The following SFMBT2 variants were observed in gnomAD, a reference collection of about 807,000 sequenced individuals.
SFMBT2 encodes the protein scm-like with four MBT domains protein 2.
In SFMBT2, 38 loss-of-function variants were observed where a neutral mutation model predicts 110.1. That is an observed-to-expected ratio of 0.35 (90% CI 0.27 to 0.45). The LOEUF is 0.45. Among genes scored for constraint, SFMBT2 ranks in the 20% least tolerant of loss-of-function variants. The pLI, the probability that SFMBT2 is intolerant of heterozygous loss-of-function variation, is 1.00. For missense variants in SFMBT2, 1,011 were observed against 1,094.9 expected (o/e 0.92, Z 1.08); for synonymous variants, 425 against 425.4 (o/e 1.00, Z 0.01).
At chr10:7,322,421 G>C (rs538857320) in intron 4 of SFMBT2, among the ~76,000 whole-genome samples, 8 of 152,276 alleles carry the variant, frequency 5.3e-5, no homozygotes, top group Non-Finnish European at 1.0e-4. Context: ...CAAGGAAAAT[G>C]ATCCTGTTTG....
At chr10:7,217,511 A>G (rs1297870176) in intron 11 of SFMBT2, among the ~76,000 whole-genome samples, 1 of 152,202 alleles carries the variant, frequency 6.6e-6, no homozygotes, top group East Asian at 1.9e-4. Context: ...CCAGGTGTCC[A>G]GGAAAAATGA....
intron 16 of SFMBT2, among the ~76,000 whole-genome samples, chr10:7,180,879 G>A (rs1220560823): frequency 6.6e-6 from 1 of 152,192 alleles, no homozygotes; most frequent in Non-Finnish European, 1.5e-5. Context: ...GGAGTTGCAA[G>A]TATAGGGAAG....
chr10:7,372,197 C>A (rs1241666135), intron 2 of SFMBT2, among the ~76,000 whole-genome samples: 1 of 152,060 alleles, frequency 6.6e-6, no homozygotes. Flanking sequence ...GGATTACAGG[C>A]GTGAGCCGCC....
At chr10:7,344,269 C>A (rs1844029981) in intron 4 of SFMBT2, among the ~76,000 whole-genome samples, 1 of 152,132 alleles carries the variant, frequency 6.6e-6, no homozygotes, top group Non-Finnish European at 1.5e-5. Flanking sequence ...TGTCCCCAAC[C>A]AAATCTCACC....
At chr10:7,316,917 A>G (rs1303536938) in intron 4 of SFMBT2, among the ~76,000 whole-genome samples, 2 of 152,150 alleles carry the variant, frequency 1.3e-5, no homozygotes, top group East Asian at 3.9e-4. Flanking sequence ...CCACACATAC[A>G]TATGTGCATG....
intron 16 of SFMBT2, among the ~76,000 whole-genome samples, chr10:7,179,663 A>C (rs1838188671): frequency 1.3e-5 from 2 of 152,248 alleles, no homozygotes; most frequent in Non-Finnish European, 1.5e-5. Flanking sequence ...AGGTCAGAGG[A>C]CAAACTGCAG....
At chr10:7,248,726 G>C in intron 7 of SFMBT2, 77 bp from the exon 8 acceptor site, 1 of 1,350,618 alleles carries the variant, frequency 7.4e-7, no homozygotes, top group Non-Finnish European at 1.0e-6. Context: ...TGCGCTCCTG[G>C]AGCATTTTAT....
chr10:7,370,749 C>T (rs1047741711), intron 2 of SFMBT2: 9 of 839,586 alleles, frequency 1.1e-5, no homozygotes, highest in Admixed American at 6.2e-5. Flanking sequence ...ACCCATCGTG[C>T]GCTGAGCAAG....
intron 16 of SFMBT2, among the ~76,000 whole-genome samples, chr10:7,185,247 T>A (rs1252585998): frequency 6.6e-6 from 1 of 152,180 alleles, no homozygotes; most frequent in Non-Finnish European, 1.5e-5. Context: ...GGTTCATGGC[T>A]TTGCTTAACG....
chr10:7,249,590 C>G, intron 7 of SFMBT2: 1 of 978,492 alleles, frequency 1.0e-6, no homozygotes, highest in Non-Finnish European at 1.2e-6. Context: ...CTGTTACTTT[C>G]TTTTACCTGC....
At chr10:7,371,834 C>A (rs1005082764) in intron 2 of SFMBT2, among the ~76,000 whole-genome samples, 1 of 151,934 alleles carries the variant, frequency 6.6e-6, no homozygotes, top group Non-Finnish European at 1.5e-5. Flanking sequence ...GAACTGATAT[C>A]CGATCCTATC....
chr10:7,248,909 A>T (rs4748784), intron 7 of SFMBT2: 38,587 of 166,852 alleles, frequency 0.23, 4,868 homozygotes, highest in South Asian at 0.38. Context: ...TTCACATGAC[A>T]CTGCTTTGCT....
intron 1 of SFMBT2, among the ~76,000 whole-genome samples, chr10:7,395,711 T>TTTC (rs896827377): frequency 5.9e-5 from 9 of 152,168 alleles, no homozygotes; most frequent in African/African-American, 1.9e-4. Context: ...CTTTTTTTTT[T>TTTC]TTTTTAATGC....
At chr10:7,370,765 T>C in intron 2 of SFMBT2, 2 of 928,134 alleles carry the variant, frequency 2.2e-6, no homozygotes, top group Non-Finnish European at 2.6e-6. Flanking sequence ...GCAAGGGCTG[T>C]GATGTAGGCT....
intron 1 of SFMBT2, among the ~76,000 whole-genome samples, chr10:7,404,693 T>A (rs1455430657): frequency 1.3e-5 from 2 of 152,218 alleles, no homozygotes; most frequent in African/African-American, 4.8e-5. Flanking sequence ...ATCTATCTCA[T>A]CACATGAATG....
intron 4 of SFMBT2, among the ~76,000 whole-genome samples, chr10:7,344,508 T>C (rs1381414180): frequency 6.6e-6 from 1 of 152,130 alleles, no homozygotes; most frequent in Non-Finnish European, 1.5e-5. Context: ...CCCAGCTATG[T>C]GGAATTGTGA....
In SFMBT2 at chr10:7,163,628, CAGA is replaced by C. The variant is rs2131503714; in HGVS notation, c.*139_*141del. 1 of 714,858 alleles carries C rather than the reference CAGA, an allele frequency of 1.4e-6. No individual in the cohort carries two copies. The highest frequency in any genetic ancestry group is 2.3e-6 in the Non-Finnish European group (1 of 438,488). 44.3% of individuals were successfully genotyped at this position (714,858 alleles called of 1,614,324 possible). On this transcript the variant is annotated 3_prime_UTR_variant, in exon 21 of 21. Coordinates refer to ENST00000397167, the MANE Select transcript of SFMBT2 (RefSeq NM_001387889.1). The surrounding 1 kb of genome is among the most constrained non-coding windows in gnomAD (Gnocchi z 4.8). ...GAAACAGCTCACAGGCTGGCGGAGG[CAGA>C]AGATCCTGGGCTTCTGGTTTTCTGG... is the stretch of plus-strand genomic sequence containing the variant.
At chr10:7,167,349 G>A (rs1436932360) in intron 20 of SFMBT2, among the ~76,000 whole-genome samples, 2 of 152,210 alleles carry the variant, frequency 1.3e-5, no homozygotes, top group African/African-American at 2.4e-5. Context: ...TTTGCAGCAT[G>A]AGATTATGGA....
intron 8 of SFMBT2, among the ~76,000 whole-genome samples, chr10:7,244,658 G>T (rs1840549208): frequency 6.6e-6 from 1 of 152,050 alleles, no homozygotes; most frequent in South Asian, 2.1e-4. Flanking sequence ...TCTAAAACAG[G>T]CCAGAAAAAA....
Sources: gnomAD v4.1 joint callset for allele counts (sites outside exome capture counted in the v4.1 genomes callset) on GRCh38, gnomAD v4.1.1 for gene constraint, Gnocchi (gnomAD v3.1) non-coding constraint, MANE v1.5 for transcripts, NCBI Gene and HGNC (gene_info 2026-07-23, HGNC 2026-07-21) for gene names.